The following GALK1 variants were observed in gnomAD, a reference collection of about 807,000 sequenced individuals.
The protein encoded by GALK1 is galactokinase.
Under a neutral mutation model 38.6 loss-of-function variants are expected in GALK1, and 30 were observed. The observed-to-expected ratio is 0.78, with a 90% CI of 0.58 to 1.05. The LOEUF (loss-of-function observed/expected upper bound fraction) is 1.05. GALK1 is among the 50% of genes least tolerant of loss of function. The pLI, the probability that GALK1 is intolerant of heterozygous loss-of-function variation, is 0.00. For synonymous variants in GALK1, 240 were observed against 233.6 expected, an observed-to-expected ratio of 1.03 and a Z score of -0.25; for missense variants, 512 against 540.5, an observed-to-expected ratio of 0.95 and a Z score of 0.52.
At chr17:75,758,855 A>G (rs771766589) in intron 5 of GALK1, among the ~76,000 whole-genome samples, 1 of 152,190 alleles carries the variant, frequency 6.6e-6, no homozygotes, top group Non-Finnish European at 1.5e-5. Flanking sequence ...ATGCTTTCCA[A>G]GGTGAGTGCT....
intron 1 of GALK1, chr17:75,764,358 GAAA>G: frequency 1.4e-6 from 1 of 708,206 alleles, no homozygotes. Flanking sequence ...AGCCCAAAGG[GAAA>G]ACAGATCACT....
intron 8 of GALK1, chr17:75,752,400 G>T: frequency 6.2e-7 from 1 of 1,612,736 alleles, no homozygotes; most frequent in Non-Finnish European, 8.5e-7. Flanking sequence ...GGGCAGGGGG[G>T]CAGGGGGCAG....
At chr17:75,763,818 G>T in intron 2 of GALK1, 79 bp downstream of exon 2, 1 of 1,341,724 alleles carries the variant, frequency 7.5e-7, no homozygotes, top group Non-Finnish European at 1.1e-6. Flanking sequence ...CAGTGTATCA[G>T]ACAAATGAAT....
At chr17:75,753,794 G>A, downstream of GALK1, 1 of 1,460,186 alleles carries the variant, frequency 6.8e-7, no homozygotes, top group Non-Finnish European at 9.0e-7. Flanking sequence ...GCCCCTGCTG[G>A]GGGAGGAGCT....
At chr17:75,754,242 C>T (rs2143465698), downstream of GALK1, among the ~76,000 whole-genome samples, 1 of 152,290 alleles carries the variant, frequency 6.6e-6, no homozygotes, top group South Asian at 2.1e-4. Flanking sequence ...CAAGTAGACC[C>T]CTCAGGGGCC....
downstream of GALK1, among the ~76,000 whole-genome samples, chr17:75,753,090 T>G (rs141859331): frequency 5.7e-3 from 875 of 152,362 alleles, 10 homozygotes; most frequent in African/African-American, 0.018. Flanking sequence ...GAATCACTCA[T>G]CCTTTCCATG....
chr17:75,757,324 G>A, downstream of GALK1: 3 of 1,612,600 alleles, frequency 1.9e-6, no homozygotes, highest in Non-Finnish European at 2.5e-6. Flanking sequence ...AGCACTGAGG[G>A]CTAGGGGATC....
At chr17:75,755,083 GAGC>G (rs780960911), downstream of GALK1, 43 of 1,601,328 alleles carry the variant, frequency 2.7e-5, no homozygotes, top group African/African-American at 5.5e-4. Context: ...AACACGGGAG[GAGC>G]AGGCTTCCGC....
intron 5 of GALK1, 24 bp from the exon 6 acceptor site, chr17:75,758,623 AGCC>A (rs1298791768): frequency 6.4e-7 from 1 of 1,574,348 alleles, no homozygotes; most frequent in African/African-American, 1.3e-5. Flanking sequence ...AGGAGTCAGC[AGCC>A]GCCTTCTCAC....
In GALK1 at chr17:75,763,023, A is replaced by G; in HGVS notation, c.602T>C (p.Ile201Thr). The G allele has an allele frequency of 1.2e-6, 2 of 1,612,982 alleles. No individual in the cohort carries two copies. Among genetic ancestry groups the G allele is most frequent in the Admixed American group, 1.7e-5 (1 of 60,030 alleles). ...GGGGAGCGAGCCCAACCTGCAGTCA[A>G]TGAGCAGCGCGTGGCCTTTCTGTCC... ...LMGQKGHALL[I>T]DCRSLETSLV... The change falls in exon 4 of 8, where the codon ATT becomes ACT. Residue 201 changes from isoleucine (I) to threonine (T), a missense_variant. Coordinates refer to ENST00000588479, the MANE Select transcript of GALK1 (RefSeq NM_000154.2).
At chr17:75,762,043 G>A (rs1032374928) in intron 5 of GALK1, among the ~76,000 whole-genome samples, 1 of 152,132 alleles carries the variant, frequency 6.6e-6, no homozygotes, top group Non-Finnish European at 1.5e-5. Flanking sequence ...ACGGCAAATG[G>A]GCTGGGCGCA....
chr17:75,755,118 GGA>G (rs1326275799), downstream of GALK1: 12 of 1,608,966 alleles, frequency 7.5e-6, no homozygotes, highest in Non-Finnish European at 1.0e-5. Context: ...CTGGGGTCCC[GGA>G]GTCGGGCTCA....
chr17:75,761,085 C>T lies in GALK1; in HGVS notation c.793+1619G>A, dbSNP rs1451468049. On this transcript the variant is annotated intron_variant, in intron 5 of 7. Transcript: ENST00000588479. Reference sequence around the variant, plus strand: ...GGTGTGGTGGCACATGCCTCTAATCCTAGCTACTCAGGAGGCTGAGGCAGG... The same window carrying T: ...GGTGTGGTGGCACATGCCTCTAATCTTAGCTACTCAGGAGGCTGAGGCAGG... 2.0e-5 allele frequency among the ~76,000 whole-genome samples: 3 copies of T among 151,818 alleles called. No individual in the cohort carries two copies. In the East Asian group the frequency reaches 5.8e-4, roughly 30 times the overall value.
chr17:75,763,501 C>G, intron 2 of GALK1, 62 bp from the exon 3 acceptor site: 1 of 1,537,114 alleles, frequency 6.5e-7, no homozygotes, highest in Non-Finnish European at 8.8e-7. Context: ...ACAGGAAGGG[C>G]AGGTGTCCTG....
At position 75,758,459 on chromosome 17, in the gene GALK1, G is replaced by A. The variant is rs201972845; in HGVS notation, c.934C>T (p.Arg312Cys). The A allele has an allele frequency of 8.3e-4, 1,309 of 1,574,968 alleles. 11 individuals are homozygous for A. The highest frequency in any genetic ancestry group is 1.7e-4 in the Middle Eastern group (1 of 6,016). ...CCCAGAGGGCCTCACCTGAGTGAGC[G>A]GTGGCTCTCCACCATGAGGCGGCCA... ...AFGRLMVESHRSLRDDYEVSC... is the reference protein window; with the variant it reads ...AFGRLMVESHCSLRDDYEVSC... The change falls in exon 6 of 8, where the codon CGC becomes TGC. Residue 312 changes from arginine to cysteine, a missense_variant. Transcript: ENST00000588479.
chr17:75,752,516 C>T, intron 8 of GALK1: 1 of 1,613,732 alleles, frequency 6.2e-7, no homozygotes, highest in Non-Finnish European at 8.5e-7. Context: ...TCCTTATGTA[C>T]AGCGATGACG....
chr17:75,761,110 G>A (rs2061585449), intron 5 of GALK1, among the ~76,000 whole-genome samples: 1 of 151,834 alleles, frequency 6.6e-6, no homozygotes, highest in African/African-American at 2.4e-5. Context: ...GCTGAGGCAG[G>A]AGAATCACTT....
downstream of GALK1, chr17:75,753,812 C>A: frequency 6.8e-7 from 1 of 1,465,278 alleles, no homozygotes; most frequent in Non-Finnish European, 9.0e-7. Flanking sequence ...GCTGGACCTG[C>A]GGCGCGTCAC....
chr17:75,755,969 C>T (rs1341784008), downstream of GALK1: 3 of 1,240,532 alleles, frequency 2.4e-6, no homozygotes, highest in Non-Finnish European at 3.4e-6. Flanking sequence ...GCGCTAAAGC[C>T]CCCATCCAGC....
Sources: allele counts gnomAD v4.1 joint callset (sites outside exome capture counted in the v4.1 genomes callset), GRCh38; gene constraint gnomAD v4.1.1; transcripts MANE v1.5; gene names NCBI Gene and HGNC (gene_info 2026-07-23, HGNC 2026-07-21).